PSG2: variants seen among roughly 807,000 people sequenced by gnomAD.
The protein encoded by PSG2 is pregnancy-specific beta-1-glycoprotein 2.
Under a neutral mutation model 36.2 loss-of-function variants are expected in PSG2, and 49 were observed. The ratio of observed to expected loss-of-function variants is 1.35; its 90% CI spans 1.08 to 1.72. The LOEUF (loss-of-function observed/expected upper bound fraction) is 1.72. PSG2 is among the 40% of genes most tolerant of loss of function. The probability of loss-of-function intolerance (pLI) is 0.00; values close to 1 mark genes in which losing one functional copy is unlikely to be tolerated. For synonymous variants in PSG2, 261 were observed against 155.6 expected (o/e 1.68, Z -5.04); for missense variants, 605 against 407.2 (o/e 1.49, Z -4.18).
At chr19:43,080,478 G>A (rs1486889226) in intron 2 of PSG2, among the ~76,000 whole-genome samples, 1 of 151,716 alleles carries the variant, frequency 6.6e-6, no homozygotes, top group Non-Finnish European at 1.5e-5. Context: ...AGGATTTAGG[G>A]ACAGGGTTTG....
chr19:43,076,760 C>G (rs1211545366), intron 2 of PSG2, among the ~76,000 whole-genome samples: 3 of 151,600 alleles, frequency 2.0e-5, no homozygotes, highest in Admixed American at 6.6e-5. Context: ...AGCCTCGTGC[C>G]TATAGTTCAT....
intron 2 of PSG2, among the ~76,000 whole-genome samples, chr19:43,078,423 T>G (rs1166595406): frequency 6.6e-6 from 1 of 151,788 alleles, no homozygotes; most frequent in Non-Finnish European, 1.5e-5. Context: ...TAATTGATCC[T>G]ATAGATAACA....
chr19:43,080,828 A>G (rs1967960242), intron 2 of PSG2, 53 bp downstream of exon 2: 2 of 1,612,122 alleles, frequency 1.2e-6, no homozygotes, highest in Non-Finnish European at 1.7e-6. Flanking sequence ...GTGTGTGTGA[A>G]GTAGAAATGA....
At chr19:43,064,714 T>A (rs1967716448) in intron 5 of PSG2, 113 bp from the exon 6 acceptor site, 1 of 377,576 alleles carries the variant, frequency 2.6e-6, no homozygotes, top group Non-Finnish European at 5.1e-6. Flanking sequence ...AAAAATCTAA[T>A]GAGAATTTAT....
At position 43,075,580 on chromosome 19, in the gene PSG2, G is replaced by A; in HGVS notation, c.483C>T (p.Ala161=). The A allele has an allele frequency of 6.2e-7, 1 of 1,613,232 alleles. No individual in the cohort carries two copies. The highest frequency in any genetic ancestry group is 8.5e-7 in the Non-Finnish European group (1 of 1,179,750). ...ISSSNLNPRE[A]METVILTCDP... ...CACAGGTTAAGATCACAGTTTCCAT[G>A]GCCTCCCTGGGGTTTAAGTTGCTGC... The change falls in exon 3 of 6, where the codon GCC becomes GCT. Residue 161 remains alanine, a synonymous_variant. Transcript: ENST00000406487.
chr19:43,081,884 T>C (rs1228357458), intron 1 of PSG2: 1 of 155,380 alleles, frequency 6.4e-6, no homozygotes, highest in Non-Finnish European at 1.4e-5. Context: ...CTGAGGACAG[T>C]GTTTCACGTC....
rs999365276 is a variant in PSG2, at chr19:43,075,393, T to A, written c.670A>T (p.Ser224Cys). 1.9e-6 allele frequency: 3 copies of A among 1,613,016 alleles called. No homozygotes were observed. In the Admixed American group the frequency reaches 5.0e-5, roughly 27 times the overall value. ...PYECEIRNSG[S>C]ASRSDPVTLN... Reference sequence around the variant, plus strand: ...GTGACTGGGTCACTGCGGCTGGCACTCCCTGAGTTCCGTATTTCACATTCA... The same window carrying A: ...GTGACTGGGTCACTGCGGCTGGCACACCCTGAGTTCCGTATTTCACATTCA... The change falls in exon 3 of 6, where the codon AGT (serine) becomes TGT (cysteine). Residue 224 changes from serine to cysteine, a missense_variant. Physicochemically the swap from Ser to Cys is moderately radical, Grantham distance 112. Transcript: ENST00000406487.
At chr19:43,074,253 G>T (rs982114709) in intron 3 of PSG2, among the ~76,000 whole-genome samples, 3 of 151,530 alleles carry the variant, frequency 2.0e-5, no homozygotes, top group East Asian at 1.9e-4. Flanking sequence ...GATTCTGGGA[G>T]GGGTTGCATT....
chr19:43,077,732 T>A (rs1967917407), intron 2 of PSG2, among the ~76,000 whole-genome samples: 1 of 151,830 alleles, frequency 6.6e-6, no homozygotes, highest in Admixed American at 6.6e-5. Flanking sequence ...CACAACTACA[T>A]AATTTAAAAA....
intron 3 of PSG2, 69 bp from the exon 4 acceptor site, chr19:43,072,023 G>C (rs1172224251): frequency 6.4e-7 from 1 of 1,562,512 alleles, no homozygotes; most frequent in African/African-American, 1.4e-5. Context: ...GTCTCTTAAA[G>C]GGACACAGTG....
At chr19:43,066,212 G>C (rs1423855151) in intron 5 of PSG2, among the ~76,000 whole-genome samples, 2 of 151,672 alleles carry the variant, frequency 1.3e-5, no homozygotes, top group Non-Finnish European at 2.9e-5. Flanking sequence ...GGAATGGAGA[G>C]AATTACACTA....
intron 2 of PSG2, among the ~76,000 whole-genome samples, chr19:43,078,421 C>A (rs1446304139): frequency 6.6e-6 from 1 of 151,662 alleles, no homozygotes; most frequent in Non-Finnish European, 1.5e-5. Context: ...ACTAATTGAT[C>A]CTATAGATAA....
Position 43,072,706 on chromosome 19 carries a change from C to G in PSG2, c.710-752G>C, listed in dbSNP as rs1209482442. The G allele has an allele frequency of 1.5e-5, 23 of 1,576,870 alleles. 1 individual carries two copies. Among genetic ancestry groups the G allele is most frequent in the African/African-American group, 2.7e-5 (2 of 73,604 alleles). On this transcript the variant is annotated intron_variant, in intron 3 of 5. Coordinates refer to ENST00000406487, the MANE Select transcript of PSG2 (RefSeq NM_031246.4). ...CACAGGCATCCTTCAATCAGAGTTA[C>G]CATCTCCCACCTCTCAGCCCACCTG... is the stretch of plus-strand genomic sequence containing the variant.
intron 3 of PSG2, among the ~76,000 whole-genome samples, chr19:43,074,153 C>G (rs1357270853): frequency 2.0e-5 from 3 of 151,498 alleles, no homozygotes; most frequent in Non-Finnish European, 4.4e-5. Context: ...GCATCTTTTT[C>G]ACAGTGTTTC....
At chr19:43,079,785 T>C (rs1380285551) in intron 2 of PSG2, among the ~76,000 whole-genome samples, 1 of 151,630 alleles carries the variant, frequency 6.6e-6, no homozygotes, top group Non-Finnish European at 1.5e-5. Flanking sequence ...TTTGGATGCC[T>C]AAGAAGAGAG....
chr19:43,075,335 A>T lies in PSG2; in HGVS notation c.709+19T>A, dbSNP rs1177742749. On this transcript the variant is annotated intron_variant, in intron 3 of 5. Transcript: ENST00000406487. ...TTTGGGATGGCAGTCTGGCCCACAGAGGAACAGAAGATACTCACGGAGGAG... is the reference window on the plus strand; with the variant it reads ...TTTGGGATGGCAGTCTGGCCCACAGTGGAACAGAAGATACTCACGGAGGAG... 6.2e-7 allele frequency: 1 copy of T among 1,613,176 alleles called. No homozygotes were observed.
Position 43,081,091 on chromosome 19 carries a change from C to T in PSG2, c.220G>A (p.Asp74Asn), listed in dbSNP as rs1967965986. 1 of 1,612,664 alleles carries T rather than the reference C, an allele frequency of 6.2e-7. No individual in the cohort carries two copies. The highest frequency in any genetic ancestry group is 2.2e-5 in the East Asian group (1 of 44,852). Residue 74 changes from aspartate (D) to asparagine (N), a missense_variant, in exon 2 of 6, where the codon GAC (aspartate) becomes AAC (asparagine). By Grantham distance (23) the Asp-to-Asn change is conservative. Transcript: ENST00000406487. ...TATGATGTAATGTAATGGTAGAGGTCCCTGATTTGCCCTTTGTACCAGATG... is the reference window on the plus strand; with the variant it reads ...TATGATGTAATGTAATGGTAGAGGTTCCTGATTTGCCCTTTGTACCAGATG... Reference protein sequence around the residue: ...GYIWYKGQIRDLYHYITSYVV... With the variant: ...GYIWYKGQIRNLYHYITSYVV...
At position 43,073,885 on chromosome 19, in the gene PSG2, A is replaced by G. The variant is rs559017511; in HGVS notation, c.709+1469T>C. Among the ~76,000 whole-genome samples the G allele has an allele frequency of 7.2e-4, 109 of 151,856 alleles. 1 individual carries two copies. The highest frequency in any genetic ancestry group is 2.5e-3 in the African/African-American group (105 of 41,236). ...ATATACTTACTGGTTTAGCATCCCA[A>G]ATCTGAAAGATTCAAAATCTAAAAT... On this transcript the variant is annotated intron_variant, in intron 3 of 5. Transcript: ENST00000406487.
chr19:43,066,651 T>A, intron 4 of PSG2, 51 bp from the exon 5 acceptor site: 1 of 1,514,314 alleles, frequency 6.6e-7, no homozygotes, highest in Non-Finnish European at 9.2e-7. Context: ...TTATTTTACA[T>A]GGGGGAGCAT....
Sources: gnomAD v4.1 joint callset for allele counts (sites outside exome capture counted in the v4.1 genomes callset) on GRCh38, gnomAD v4.1.1 for gene constraint, MANE v1.5 for transcripts, NCBI Gene and HGNC (gene_info 2026-07-23, HGNC 2026-07-21) for gene names.